The following DLGAP1 variants were observed in gnomAD, a reference collection of about 807,000 sequenced individuals.
The protein encoded by DLGAP1 is DLG associated protein 1.
A neutral mutation model predicts 90.8 loss-of-function variants in DLGAP1; 11 were observed. The observed-to-expected ratio is 0.12, with a 90% CI of 0.08 to 0.20. The LOEUF is 0.20. DLGAP1 is among the 10% of genes least tolerant of loss of function. DLGAP1 has a pLI of 1.00. For synonymous variants in DLGAP1, 558 were observed against 540.7 expected, an observed-to-expected ratio of 1.03 and a Z score of -0.44; for missense variants, 1,050 against 1,333.8, an observed-to-expected ratio of 0.79 and a Z score of 3.31.
chr18:3,502,348 T>TA (rs2049982574), intron 12 of DLGAP1, 145 bp downstream of exon 12: 8 of 1,443,462 alleles, frequency 5.5e-6, no homozygotes, highest in Non-Finnish European at 7.3e-6. Context: ...GATTACTATG[T>TA]AAACATTGTC....
At chr18:3,669,945 G>C (rs935482433) in intron 7 of DLGAP1, among the ~76,000 whole-genome samples, 4 of 152,136 alleles carry the variant, frequency 2.6e-5, no homozygotes, top group African/African-American at 7.2e-5. Context: ...CACTGCCGTG[G>C]GGTGGGAGCC....
At chr18:4,350,729 G>T (rs1009472476) in intron 1 of DLGAP1, among the ~76,000 whole-genome samples, 2 of 152,060 alleles carry the variant, frequency 1.3e-5, no homozygotes, top group African/African-American at 2.4e-5. Flanking sequence ...TATTGTAGAG[G>T]TCTTCTTTTG....
intron 1 of DLGAP1, among the ~76,000 whole-genome samples, chr18:4,442,177 T>A (rs908116081): frequency 1.3e-5 from 2 of 152,128 alleles, no homozygotes; most frequent in African/African-American, 2.4e-5. Context: ...TATTATTATT[T>A]TTAGTAGAAA....
In DLGAP1 at chr18:3,879,488, C is replaced by T. The variant is rs1181290195; in HGVS notation, c.581G>A (p.Arg194Gln). 4 of 1,604,590 alleles carry T rather than the reference C, an allele frequency of 2.5e-6. No individual in the cohort carries two copies. Among genetic ancestry groups the T allele is most frequent in the Non-Finnish European group, 2.5e-6 (3 of 1,179,818 alleles). Residue 194 changes from arginine to glutamine, a missense_variant, in exon 4 of 13, where the codon CGG becomes CAG. By Grantham distance (43) the Arg-to-Gln change is conservative (BLOSUM62 1). This residue lies in a region of DLGAP1 where 485 missense variants were observed against 454.1 expected (regional missense o/e 1.07). Coordinates refer to ENST00000315677, the MANE Select transcript of DLGAP1 (RefSeq NM_004746.4). The surrounding 1 kb of genome is among the most constrained non-coding windows in gnomAD (Gnocchi z 6.6). ...SKERRAEPKA[R>Q]PSTSPGWWSS... ...CCACCAGCCCGGGGAGGTGCTGGGC[C>T]GGGCCTTGGGCTCCGCGCGCCGCTC...
rs1442547940 is a variant in DLGAP1 at position 3,497,565 on chromosome 18, G to A, written c.*1620C>T. 4.6e-5 allele frequency: 7 copies of A among 152,188 alleles called. No individual in the cohort carries two copies. The highest frequency in any genetic ancestry group is 4.6e-4 in the Admixed American group (7 of 15,282). The allele number at this position is 152,188 out of a possible 1,614,324, so 9.4% of individuals were successfully genotyped here. ...ATTAAATTAGCACCTGGCTATGAGA[G>A]TGTATTATTTTAAAAAGCTTCTCTG... On this transcript the variant is annotated 3_prime_UTR_variant, in exon 13 of 13. Transcript: ENST00000315677.
chr18:3,887,920 A>G (rs904799405), intron 3 of DLGAP1, among the ~76,000 whole-genome samples: 2 of 151,902 alleles, frequency 1.3e-5, no homozygotes, highest in African/African-American at 2.4e-5. Flanking sequence ...CATCCTGGCT[A>G]ACATGGTCAA....
intron 3 of DLGAP1, among the ~76,000 whole-genome samples, chr18:3,979,604 C>A (rs1480054696): frequency 6.6e-6 from 1 of 152,140 alleles, no homozygotes; most frequent in East Asian, 1.9e-4. Context: ...TAAAAGTGTA[C>A]AAAGTTTCAG....
At position 3,879,393 on chromosome 18, in the gene DLGAP1, T is replaced by C; in HGVS notation, c.676A>G (p.Arg226Gly). Residue 226 changes from arginine (R) to glycine (G), a missense_variant, in exon 4 of 13, where the codon AGG becomes GGG. By Grantham distance (125) the Arg-to-Gly change is moderately radical. Around this residue, in one of 2 missense-constraint regions of DLGAP1, gnomAD observed 485 missense variants for 454.1 expected, o/e 1.07. Coordinates refer to ENST00000315677, the MANE Select transcript of DLGAP1 (RefSeq NM_004746.4). This position sits in a 1 kb window ranked among gnomAD's most constrained non-coding sequence, Gnocchi z 6.6. The stretch of plus-strand genomic sequence containing the variant: ...TGTGAGGCCGAGCGGTCGGGGCACC[T>C]GCCCATGGTCATCACGCCCGAGGGG... Reference protein sequence around the residue: ...HAPSGVMTMGRCPDRSASQYF... With the variant: ...HAPSGVMTMGGCPDRSASQYF... 2 of 1,613,152 alleles carry C rather than the reference T, an allele frequency of 1.2e-6. No homozygotes were observed. The highest frequency in any genetic ancestry group is 1.7e-6 in the Non-Finnish European group (2 of 1,179,964).
intron 7 of DLGAP1, among the ~76,000 whole-genome samples, chr18:3,698,945 C>T (rs1301030220): frequency 6.6e-6 from 1 of 152,006 alleles, no homozygotes; most frequent in Non-Finnish European, 1.5e-5. Context: ...GCTATTGATA[C>T]TTGTGTATGC....
intron 3 of DLGAP1, among the ~76,000 whole-genome samples, chr18:3,967,248 AGCCAGGCACT>A (rs2073350301): frequency 6.6e-6 from 1 of 152,230 alleles, no homozygotes; most frequent in Admixed American, 6.5e-5. Flanking sequence ...GCTGGGCTCC[AGCCAGGCACT>A]GCCAGGCACT....
At chr18:4,132,521 TA>T (rs2076332273) in intron 2 of DLGAP1, among the ~76,000 whole-genome samples, 1 of 152,122 alleles carries the variant, frequency 6.6e-6, no homozygotes, top group Non-Finnish European at 1.5e-5. Context: ...GGGGAGAAAA[TA>T]ATACCTATAT....
intron 1 of DLGAP1, among the ~76,000 whole-genome samples, chr18:4,369,621 T>C (rs986147930): frequency 4.6e-5 from 7 of 151,828 alleles, no homozygotes; most frequent in African/African-American, 1.7e-4. Flanking sequence ...CTCACTTCAA[T>C]GCCATAGTCA....
intron 10 of DLGAP1, among the ~76,000 whole-genome samples, chr18:3,531,842 G>A (rs752330567): frequency 9.2e-5 from 14 of 151,992 alleles, no homozygotes; most frequent in East Asian, 3.9e-4. Context: ...GAAGTGACAC[G>A]ATGCCTTGGA....
At chr18:3,519,166 C>T (rs937142751) in intron 10 of DLGAP1, among the ~76,000 whole-genome samples, 6 of 152,072 alleles carry the variant, frequency 3.9e-5, no homozygotes, top group Non-Finnish European at 5.9e-5. Flanking sequence ...GAGCCTTGCT[C>T]GGAAAACAGA....
intron 2 of DLGAP1, among the ~76,000 whole-genome samples, chr18:4,083,984 G>A (rs1390132483): frequency 2.6e-5 from 4 of 152,136 alleles, no homozygotes; most frequent in Non-Finnish European, 4.4e-5. Context: ...GGATCACACG[G>A]GGGCTTGGAG....
At chr18:3,539,836 A>G (rs2052584112) in intron 9 of DLGAP1, among the ~76,000 whole-genome samples, 1 of 152,222 alleles carries the variant, frequency 6.6e-6, no homozygotes, top group Admixed American at 6.5e-5. Context: ...AGAGTAGCTT[A>G]GTCTTTCCAT....
At chr18:3,525,068 G>T (rs1182713648) in intron 10 of DLGAP1, among the ~76,000 whole-genome samples, 1 of 150,020 alleles carries the variant, frequency 6.7e-6, no homozygotes, top group Non-Finnish European at 1.5e-5. Flanking sequence ...ACTAACACCA[G>T]AGTTTCCACA....
At position 4,007,474 on chromosome 18, in the gene DLGAP1, G is replaced by T. The variant is rs540894391; in HGVS notation, c.-158-2273C>A. Among the ~76,000 whole-genome samples the T allele has an allele frequency of 2.4e-4, 36 of 152,226 alleles. 1 individual carries two copies. Among genetic ancestry groups the T allele is most frequent in the Admixed American group, 2.3e-3 (35 of 15,296 alleles). On this transcript the variant is annotated intron_variant, in intron 2 of 12. Coordinates refer to ENST00000315677, the MANE Select transcript of DLGAP1 (RefSeq NM_004746.4). Reference sequence around the variant, plus strand: ...GTTCAAGACCAGCCTGGCTAACATGGCAAAACCCCGTCTCTACTAAAAAAT... The same window carrying T: ...GTTCAAGACCAGCCTGGCTAACATGTCAAAACCCCGTCTCTACTAAAAAAT...
In DLGAP1 at chr18:3,499,618, G is replaced by A. The variant is rs1598941590; in HGVS notation, c.2725-224C>T. ...AGCTTAAGGCCCAGGGTAAGGCTGG[G>A]TTGCAGAACTAGGTCTCTCCAAGGG... On this transcript the variant is annotated intron_variant, in intron 12 of 12. Coordinates refer to ENST00000315677, the MANE Select transcript of DLGAP1 (RefSeq NM_004746.4). The surrounding 1 kb of genome is among the most constrained non-coding windows in gnomAD (Gnocchi z 6.4). Among the ~76,000 whole-genome samples the A allele has an allele frequency of 6.6e-6, 1 of 152,208 alleles. No individual in the cohort carries two copies. The highest frequency in any genetic ancestry group is 1.9e-4 in the East Asian group (1 of 5,174).
Sources: allele counts gnomAD v4.1 joint callset (sites outside exome capture counted in the v4.1 genomes callset), GRCh38; gene constraint gnomAD v4.1.1; regional missense constraint gnomAD v4.1.1; non-coding constraint Gnocchi (gnomAD v3.1); transcripts MANE v1.5; gene names NCBI Gene and HGNC (gene_info 2026-07-23, HGNC 2026-07-21).